IL16: variants seen among roughly 807,000 people sequenced by gnomAD.
IL16 encodes the protein interleukin 16.
Under a neutral mutation model 110.1 loss-of-function variants are expected in IL16, and 67 were observed. The observed-to-expected ratio is 0.61, with a 90% confidence interval of 0.50 to 0.75. The LOEUF (loss-of-function observed/expected upper bound fraction) is 0.75, where lower values mean the gene tolerates loss of function less well. Among genes scored for constraint, IL16 ranks in the 30% least tolerant of loss-of-function variants. The probability of loss-of-function intolerance (pLI) is 0.00; values close to 1 mark genes in which losing one functional copy is unlikely to be tolerated. For missense variants in IL16, 1,545 were observed against 1,655.0 expected (o/e 0.93, Z 1.15); for synonymous variants, 689 against 662.9 (o/e 1.04, Z -0.61).
chr15:81,232,042 G>GTTTTTTTTTTTTTTTTTTTTTTTTTTTT lies in IL16; in HGVS notation c.312+6355_312+6356insTTTTTTTTTTTTTTTTTTTTTTTTTTTT. On this transcript the variant is annotated intron_variant, in intron 2 of 18. Transcript: ENST00000683961. ...ATGTAAGTCCTCCACATTTGTTCTT[G>GTTTTTTTTTTTTTTTTTTTTTTTTTTTT]TTTTTTTTTTTTTTTTTTTTTTTTC... Among the ~76,000 whole-genome samples, 13 of 57,700 alleles carry GTTTTTTTTTTTTTTTTTTTTTTTTTTTT rather than the reference G, an allele frequency of 2.3e-4. 2 individuals are homozygous for GTTTTTTTTTTTTTTTTTTTTTTTTTTTT. Among genetic ancestry groups the GTTTTTTTTTTTTTTTTTTTTTTTTTTTT allele is most frequent in the Non-Finnish European group, 3.0e-4 (9 of 29,918 alleles). 37.9% of individuals were successfully genotyped at this position (57,700 alleles called of 152,430 possible).
rs113924719 is a variant in IL16, at chr15:81,303,394, T to A, written c.3319-155T>A. 20 of 615,368 alleles carry A rather than the reference T, an allele frequency of 3.3e-5. No homozygotes were observed. The highest frequency in any genetic ancestry group is 2.6e-4 in the African/African-American group (14 of 54,498). 38.1% of individuals were successfully genotyped at this position (615,368 alleles called of 1,614,324 possible). On this transcript the variant is annotated intron_variant, in intron 15 of 18. Transcript: ENST00000683961. This position sits in a 1 kb window ranked among gnomAD's most constrained non-coding sequence, Gnocchi z 4.1. ...CCATGACTCCTGAAGGTCCATTCTT[T>A]ACAGATGAGGAAACTGAGGTTTGAG...
intron 2 of IL16, among the ~76,000 whole-genome samples, chr15:81,228,473 AC>A (rs1316814065): frequency 6.6e-6 from 1 of 151,940 alleles, no homozygotes; most frequent in East Asian, 1.9e-4. Flanking sequence ...GGAGCCTGCC[AC>A]TACACCCAGC....
At chr15:81,220,995 A>G (rs1896596509) in intron 1 of IL16, among the ~76,000 whole-genome samples, 1 of 152,086 alleles carries the variant, frequency 6.6e-6, no homozygotes. Flanking sequence ...CATGGTAAAA[A>G]CATATACTGA....
chr15:81,183,316 G>A (rs906764419), intron 1 of IL16, among the ~76,000 whole-genome samples: 1 of 152,216 alleles, frequency 6.6e-6, no homozygotes, highest in Non-Finnish European at 1.5e-5. Context: ...TTCAGCAGAA[G>A]CAGAACAGAA....
chr15:81,252,817 C>T (rs1431670119), intron 2 of IL16, among the ~76,000 whole-genome samples: 2 of 152,136 alleles, frequency 1.3e-5, no homozygotes, highest in Non-Finnish European at 2.9e-5. Flanking sequence ...TCAGTTCATT[C>T]ATTTTAATTG....
At chr15:81,252,363 C>CTACCCATTTATAAAAATTTATA (rs1897796920) in intron 2 of IL16, among the ~76,000 whole-genome samples, 1 of 152,120 alleles carries the variant, frequency 6.6e-6, no homozygotes, top group Non-Finnish European at 1.5e-5. Flanking sequence ...GTAGCATTTG[C>CTACCCATTTATAAAAATTTATA]ATTTTTATAA....
At chr15:81,230,772 G>A (rs1306686217) in intron 2 of IL16, among the ~76,000 whole-genome samples, 1 of 152,142 alleles carries the variant, frequency 6.6e-6, no homozygotes, top group Non-Finnish European at 1.5e-5. Flanking sequence ...TAAGATTTCT[G>A]TGAAATCTAA....
rs571385112 is a variant in IL16, at chr15:81,308,298, G to A, written c.3806-307G>A. ...TCTGGGCAGGACTCAGCTCCCCAGA[G>A]TCCTCTATGAACTATGGACGGTGCT... is the stretch of plus-strand genomic sequence containing the variant. On this transcript the variant is annotated intron_variant, in intron 18 of 18. Coordinates refer to ENST00000683961, the MANE Select transcript of IL16 (RefSeq NM_172217.5). Among the ~76,000 whole-genome samples the A allele has an allele frequency of 2.0e-4, 30 of 152,332 alleles. 1 individual carries two copies. Among genetic ancestry groups the A allele is most frequent in the Admixed American group, 1.9e-3 (29 of 15,302 alleles).
At chr15:81,274,107 A>G (rs1164493934) in intron 6 of IL16, among the ~76,000 whole-genome samples, 2 of 152,208 alleles carry the variant, frequency 1.3e-5, no homozygotes, top group Non-Finnish European at 2.9e-5. Flanking sequence ...AAGTGACTTC[A>G]TAGCATTTTC....
At chr15:81,258,773 C>CTCTATA (rs1189884709) in intron 2 of IL16, among the ~76,000 whole-genome samples, 1 of 149,704 alleles carries the variant, frequency 6.7e-6, no homozygotes, top group Non-Finnish European at 1.5e-5. Context: ...CTCTCTCTCT[C>CTCTATA]TATATATATA....
At chr15:81,189,481 C>T (rs1316741324) in intron 1 of IL16, among the ~76,000 whole-genome samples, 5 of 152,084 alleles carry the variant, frequency 3.3e-5, no homozygotes, top group African/African-American at 1.2e-4. Flanking sequence ...GCTGTAGAGA[C>T]AGGGTCTTTC....
intron 2 of IL16, among the ~76,000 whole-genome samples, chr15:81,237,964 A>G (rs1253298954): frequency 6.6e-6 from 1 of 151,828 alleles, no homozygotes; most frequent in Non-Finnish European, 1.5e-5. Flanking sequence ...GAGTGCAGTG[A>G]TGCAATCTCG....
chr15:81,290,562 G>A, intron 11 of IL16, 22 bp downstream of exon 11: 1 of 1,508,296 alleles, frequency 6.6e-7, no homozygotes, highest in South Asian at 1.2e-5. Context: ...GGTGAACTTT[G>A]ATGTAAAATA....
In IL16 at chr15:81,279,650, C is replaced by T. The variant is rs758550662; in HGVS notation, c.957C>T (p.Arg319=). Residue 319 remains arginine (R), a synonymous_variant, in exon 8 of 19, where the codon CGC becomes CGT. Transcript: ENST00000683961. The part of the protein sequence containing the change: ...LCSHLSPPLC[R]SLSSSTCITK... ...GCCACCTGTCTCCCCCACTGTGCCG[C>T]TCCCTGAGCTCCAGCACTTGTATCA... 7 of 1,614,160 alleles carry T rather than the reference C, an allele frequency of 4.3e-6. No individual in the cohort carries two copies. Among genetic ancestry groups the T allele is most frequent in the East Asian group, 4.5e-5 (2 of 44,898 alleles).
chr15:81,265,618 A>G (rs1473870192), intron 3 of IL16, 41 bp from the exon 4 acceptor site: 1 of 1,607,724 alleles, frequency 6.2e-7, no homozygotes, highest in African/African-American at 1.3e-5. Flanking sequence ...GCATTTTGAG[A>G]GCACAAATGA....
intron 9 of IL16, among the ~76,000 whole-genome samples, chr15:81,283,822 A>G (rs1177103182): frequency 1.3e-5 from 2 of 152,056 alleles, no homozygotes; most frequent in Non-Finnish European, 2.9e-5. Flanking sequence ...CCTGGGCAAC[A>G]TGGCAAAACC....
chr15:81,197,168 T>C lies in IL16; in HGVS notation c.-102+16T>C. Reference sequence around the variant, plus strand: ...TGGGCACCAGGTGAGTGAATGTCTGTCAGGCAGCTGCTCTGTCCAGGTGGC... The same window carrying C: ...TGGGCACCAGGTGAGTGAATGTCTGCCAGGCAGCTGCTCTGTCCAGGTGGC... On this transcript the variant is annotated intron_variant, in intron 1 of 18. Transcript: ENST00000683961. 7.8e-7 allele frequency: 1 copy of C among 1,286,398 alleles called. No homozygotes were observed. Among genetic ancestry groups the C allele is most frequent in the Non-Finnish European group, 1.0e-6 (1 of 987,004 alleles). The allele number at this position is 1,286,398 out of a possible 1,614,324, so 79.7% of individuals were successfully genotyped here.
intron 1 of IL16, among the ~76,000 whole-genome samples, chr15:81,186,250 A>C (rs556684700): frequency 6.6e-6 from 1 of 152,238 alleles, no homozygotes; most frequent in East Asian, 1.9e-4. Context: ...ACAGCGCTTT[A>C]TTTTTATTTT....
chr15:81,222,620 C>T (rs1225864216), intron 1 of IL16, among the ~76,000 whole-genome samples: 1 of 152,014 alleles, frequency 6.6e-6, no homozygotes, highest in Non-Finnish European at 1.5e-5. Flanking sequence ...TCAGCATCCC[C>T]ATGTTTATAT....
Sources: allele counts gnomAD v4.1 joint callset (sites outside exome capture counted in the v4.1 genomes callset), GRCh38; gene constraint gnomAD v4.1.1; non-coding constraint Gnocchi (gnomAD v3.1); transcripts MANE v1.5; gene names NCBI Gene and HGNC (gene_info 2026-07-23, HGNC 2026-07-21).